CASK: variants seen among roughly 807,000 people sequenced by gnomAD.
CASK encodes peripheral plasma membrane protein CASK.
Under a neutral mutation model 82.9 loss-of-function variants are expected in CASK, and 4 were observed. The observed-to-expected ratio is 0.05, with a 90% CI of 0.02 to 0.11. The LOEUF (loss-of-function observed/expected upper bound fraction) is 0.11. CASK is among the 10% of genes least tolerant of loss of function. The pLI is 1.00. For missense variants in CASK, 358 were observed against 720.9 expected, an observed-to-expected ratio of 0.50 and a Z score of 5.76; for synonymous variants, 259 against 253.5, an observed-to-expected ratio of 1.02 and a Z score of -0.20.
At chrX:41,792,811 G>GCA (rs2069761211) in intron 2 of CASK, among the ~76,000 whole-genome samples, 1 of 111,013 alleles carries the variant, frequency 9.0e-6, no homozygotes, top group African/African-American at 3.3e-5. Context: ...TTATCTCTGA[G>GCA]ATCTAGCATG....
chrX:41,761,205 T>C (rs2068995171), intron 3 of CASK, among the ~76,000 whole-genome samples: 1 of 111,931 alleles, frequency 8.9e-6, no homozygotes, highest in Non-Finnish European at 1.9e-5. Context: ...GATGTAGATA[T>C]GAAAACCACA....
intron 26 of CASK, among the ~76,000 whole-genome samples, chrX:41,523,542 A>G: frequency 8.8e-6 from 1 of 113,015 alleles, no homozygotes; most frequent in East Asian, 2.8e-4. Flanking sequence ...CTTCTAAGTC[A>G]GCAGCCAAGT....
chrX:41,665,034 A>G (rs940807474), intron 7 of CASK, among the ~76,000 whole-genome samples: 13 of 112,848 alleles, frequency 1.2e-4, no homozygotes, highest in Non-Finnish European at 1.5e-4. Context: ...AATTACACAA[A>G]GAAGGTTCAT....
chrX:41,856,018 A>G (rs2071362126), intron 1 of CASK, among the ~76,000 whole-genome samples: 1 of 112,255 alleles, frequency 8.9e-6, no homozygotes, highest in Non-Finnish European at 1.9e-5. Flanking sequence ...TAAGGTTTTG[A>G]AAAGAATTCA....
rs953084525 is a variant in CASK at position 41,519,686 on chromosome X, T to C, written c.*734A>G. On this transcript the variant is annotated 3_prime_UTR_variant, in exon 27 of 27. Transcript: ENST00000378163. ...TGTGCCCCATGAACGGAATGTAGAA[T>C]GTACTTTGCTGTAGATTACAGATTG... is the stretch of plus-strand genomic sequence containing the variant. 1 of 110,838 alleles carries C rather than the reference T, an allele frequency of 9.0e-6. No individual in the cohort carries two copies. Among genetic ancestry groups the C allele is most frequent in the African/African-American group, 3.3e-5 (1 of 30,446 alleles). 9.1% of individuals were successfully genotyped at this position (110,838 alleles called of 1,213,427 possible). A position where few individuals can be genotyped will look rare whatever the true frequency, so the allele number is the denominator to read the frequency against.
At chrX:41,843,952 A>G (rs745317993) in intron 2 of CASK, among the ~76,000 whole-genome samples, 5 of 111,633 alleles carry the variant, frequency 4.5e-5, no homozygotes, top group Non-Finnish European at 9.4e-5. Flanking sequence ...TTTGGGTTCT[A>G]TCTTCCAGCT....
chrX:41,772,117 G>A (rs970751860), intron 3 of CASK, among the ~76,000 whole-genome samples: 31 of 110,551 alleles, frequency 2.8e-4, no homozygotes, highest in Non-Finnish European at 1.3e-4. Context: ...TTGAGAGGCC[G>A]AGGCAGGCGG....
rs12009523 is a variant in CASK at position 41,793,328 on chromosome X, C to T, written c.173-6045G>A. Among the ~76,000 whole-genome samples the T allele has an allele frequency of 8.6e-3, 961 of 111,928 alleles. 13 individuals carry two copies. Among genetic ancestry groups the T allele is most frequent in the African/African-American group, 0.03 (927 of 30,822 alleles). On this transcript the variant is annotated intron_variant, in intron 2 of 26. Coordinates refer to ENST00000378163, the MANE Select transcript of CASK (RefSeq NM_001367721.1). The stretch of plus-strand genomic sequence containing the variant: ...TCACACAGCTAGTAAGTGGAGGAAG[C>T]AGGACTAATAACCAAAGCCCTTTGC...
chrX:41,727,500 C>T lies in CASK; in HGVS notation c.429+11884G>A, dbSNP rs765799895. 3 of 1,207,582 alleles carry T rather than the reference C, an allele frequency of 2.5e-6. No homozygotes were observed. In the East Asian group the frequency reaches 8.9e-5, roughly 36 times the overall value. ...ACTTTGCTAGAAAACTATGCATTTA[C>T]ATATGGGGAGTTGTACTGGGCATAA... is the stretch of plus-strand genomic sequence containing the variant. On this transcript the variant is annotated intron_variant, in intron 5 of 26. Coordinates refer to ENST00000378163, the MANE Select transcript of CASK (RefSeq NM_001367721.1).
intron 2 of CASK, among the ~76,000 whole-genome samples, chrX:41,813,063 T>G (rs1388849104): frequency 9.0e-6 from 1 of 111,373 alleles, no homozygotes; most frequent in Non-Finnish European, 1.9e-5. Flanking sequence ...CAAGGAGAAC[T>G]ACAAACCACT....
At chrX:41,548,855 T>C (rs3013114) in intron 21 of CASK, among the ~76,000 whole-genome samples, 44,333 of 110,907 alleles carry the variant, frequency 0.4, 6,669 homozygotes, top group East Asian at 0.8. Flanking sequence ...CAGGAAAAAA[T>C]TGTGGCATAG....
intron 3 of CASK, among the ~76,000 whole-genome samples, chrX:41,748,789 C>G (rs955286995): frequency 1.8e-4 from 20 of 111,373 alleles, no homozygotes; most frequent in African/African-American, 6.2e-4. Flanking sequence ...AAGGAGGGAA[C>G]CAGTCCGTGA....
intron 18 of CASK, chrX:41,559,200 C>G (rs2065194609): frequency 8.8e-6 from 1 of 113,401 alleles, no homozygotes; most frequent in African/African-American, 3.2e-5. Context: ...CTGTATTACT[C>G]TAGAAAACTT....
Position 41,553,890 on chromosome X carries a change from T to C in CASK, c.1868A>G (p.Tyr623Cys). 1 of 1,205,483 alleles carries C rather than the reference T, an allele frequency of 8.3e-7. No homozygotes were observed. ...GATGAGGTCATCCTTGGCTGGATCATATTCAAATTGTGCTCTTACATAGAT... is the reference window on the plus strand; with the variant it reads ...GATGAGGTCATCCTTGGCTGGATCACATTCAAATTGTGCTCTTACATAGAT... Reference protein sequence around the residue: ...RQIYVRAQFEYDPAKDDLIPC... With the variant: ...RQIYVRAQFECDPAKDDLIPC... Residue 623 changes from tyrosine to cysteine, a missense_variant, in exon 21 of 27, where the codon TAT becomes TGT. By Grantham distance (194) the Tyr-to-Cys change is radical. Transcript: ENST00000378163.
intron 9 of CASK, among the ~76,000 whole-genome samples, chrX:41,629,812 G>A (rs2066436192): frequency 8.9e-6 from 1 of 111,744 alleles, no homozygotes; most frequent in Non-Finnish European, 1.9e-5. Context: ...TTACATTATT[G>A]CTACTGATTG....
At chrX:41,608,790 T>C (rs942489729) in intron 12 of CASK, among the ~76,000 whole-genome samples, 3 of 112,208 alleles carry the variant, frequency 2.7e-5, no homozygotes, top group Non-Finnish European at 3.8e-5. Context: ...AACAAAACAA[T>C]GTTAAATATG....
chrX:41,670,775 C>A (rs2067186331), intron 6 of CASK, among the ~76,000 whole-genome samples: 1 of 110,574 alleles, frequency 9.0e-6, no homozygotes, highest in South Asian at 3.8e-4. Context: ...AAAAAAATTA[C>A]AACTATGACC....
Position 41,529,208 on chromosome X carries a change from G to A in CASK, c.2520+1799C>T, listed in dbSNP as rs150636553. The stretch of plus-strand genomic sequence containing the variant: ...TCATCCAGCACTCAGGGGAGCAGAG[G>A]AGAGTGCCCAGCCGGGGTGAGGAGG... On this transcript the variant is annotated intron_variant, in intron 25 of 26. Coordinates refer to ENST00000378163, the MANE Select transcript of CASK (RefSeq NM_001367721.1). Among the ~76,000 whole-genome samples the A allele has an allele frequency of 7.6e-3, 847 of 111,840 alleles. 5 individuals carry two copies. The highest frequency in any genetic ancestry group is 0.025 in the South Asian group (66 of 2,655).
chrX:41,780,457 G>C (rs188443519), intron 3 of CASK, among the ~76,000 whole-genome samples: 1 of 111,476 alleles, frequency 9.0e-6, no homozygotes, highest in African/African-American at 3.3e-5. Context: ...CTGCAAAAGT[G>C]AATGTCTAGA....
Sources: gnomAD v4.1 joint callset for allele counts (sites outside exome capture counted in the v4.1 genomes callset) on GRCh38, gnomAD v4.1.1 for gene constraint, MANE v1.5 for transcripts, NCBI Gene and HGNC (gene_info 2026-07-23, HGNC 2026-07-21) for gene names.